Variants in PDE3A observed in about 807,000 individuals in gnomAD.
The protein encoded by PDE3A is cGMP-inhibited 3',5'-cyclic phosphodiesterase 3A.
A neutral mutation model predicts 98.3 loss-of-function variants in PDE3A; 43 were observed. That is an observed-to-expected ratio of 0.44 (90% CI 0.34 to 0.56). The LOEUF (loss-of-function observed/expected upper bound fraction) is 0.56, where lower values mean the gene tolerates loss of function less well. Ranked by LOEUF, PDE3A falls within the 20% of genes least tolerant of loss-of-function variation. The pLI is 0.01. For synonymous variants in PDE3A, 663 were observed against 567.9 expected, an observed-to-expected ratio of 1.17 and a Z score of -2.38; for missense variants, 1,427 against 1,440.7, an observed-to-expected ratio of 0.99 and a Z score of 0.15.
intron 1 of PDE3A, among the ~76,000 whole-genome samples, chr12:20,521,166 A>G (rs1467657074): frequency 6.7e-6 from 1 of 148,794 alleles, no homozygotes; most frequent in Non-Finnish European, 1.5e-5. Flanking sequence ...TTGGGGTTGT[A>G]AGAATCAGGT....
chr12:20,635,119 G>A, intron 8 of PDE3A, 63 bp downstream of exon 8: 2 of 1,442,628 alleles, frequency 1.4e-6, no homozygotes, highest in Admixed American at 2.0e-5. Context: ...ACAGATATTG[G>A]CTCAGAAATG....
intron 1 of PDE3A, among the ~76,000 whole-genome samples, chr12:20,508,149 G>C (rs972639772): frequency 1.3e-5 from 2 of 151,924 alleles, no homozygotes; most frequent in African/African-American, 2.4e-5. Flanking sequence ...CATTGCACTG[G>C]CTGTTTTCTT....
intron 5 of PDE3A, among the ~76,000 whole-genome samples, chr12:20,628,553 A>AC (rs1434568890): frequency 1.3e-5 from 2 of 152,106 alleles, no homozygotes; most frequent in Admixed American, 1.3e-4. Context: ...TAGTACTGTG[A>AC]CCTTGGGAGG....
chr12:20,667,473 T>A (rs1945345596), intron 15 of PDE3A, among the ~76,000 whole-genome samples: 1 of 152,202 alleles, frequency 6.6e-6, no homozygotes, highest in African/African-American at 2.4e-5. Context: ...TGGAGTCTAG[T>A]TTCATTCTTC....
At chr12:20,571,957 A>T in intron 2 of PDE3A, 6 of 1,056,978 alleles carry the variant, frequency 5.7e-6, no homozygotes, top group Non-Finnish European at 6.9e-6. Flanking sequence ...AAATTTGAGC[A>T]CACAGAACTT....
chr12:20,494,908 G>C (rs1945893031), intron 1 of PDE3A, among the ~76,000 whole-genome samples: 1 of 150,902 alleles, frequency 6.6e-6, no homozygotes. Context: ...GAAGCCCTAT[G>C]TTTTGATGGC....
chr12:20,613,962 C>T (rs1038708345), intron 3 of PDE3A, among the ~76,000 whole-genome samples: 1 of 151,960 alleles, frequency 6.6e-6, no homozygotes, highest in African/African-American at 2.4e-5. Flanking sequence ...AAAACGTTTT[C>T]TCTTCTATAT....
At chr12:20,606,937 CTTG>C (rs142336240) in intron 2 of PDE3A, among the ~76,000 whole-genome samples, 5,603 of 151,212 alleles carry the variant, frequency 0.037, 134 homozygotes, top group Non-Finnish European at 0.054. Context: ...ATTGATTATA[CTTG>C]TTGTATTTTA....
intron 2 of PDE3A, among the ~76,000 whole-genome samples, chr12:20,598,731 C>T (rs901910389): frequency 6.6e-6 from 1 of 152,170 alleles, no homozygotes; most frequent in Non-Finnish European, 1.5e-5. Flanking sequence ...ATACTGTAGA[C>T]AGAGTAAAGA....
chr12:20,679,743 T>G (rs1433169878), intron 15 of PDE3A, among the ~76,000 whole-genome samples: 1 of 151,938 alleles, frequency 6.6e-6, no homozygotes, highest in Non-Finnish European at 1.5e-5. Context: ...AGCAGAATCT[T>G]GCACTGAACA....
chr12:20,627,498 A>G (rs1362407344), intron 5 of PDE3A, among the ~76,000 whole-genome samples: 2 of 151,794 alleles, frequency 1.3e-5, no homozygotes. Context: ...TTTCCTGAAC[A>G]TGCTTTCCCC....
At chr12:20,644,832 C>CCCTCCTCCTCCTCCTCCT (rs1182576594) in intron 10 of PDE3A, among the ~76,000 whole-genome samples, 1 of 147,518 alleles carries the variant, frequency 6.8e-6, no homozygotes, top group Admixed American at 6.8e-5. Flanking sequence ...CTCCTCCTTC[C>CCCTCCTCCTCCTCCTCCT]CCTCCTCCTC....
At chr12:20,644,168 G>T (rs1045492884) in intron 10 of PDE3A, among the ~76,000 whole-genome samples, 1 of 152,128 alleles carries the variant, frequency 6.6e-6, no homozygotes, top group Non-Finnish European at 1.5e-5. Flanking sequence ...CTCCCAGACT[G>T]CCATTTTCCT....
In PDE3A at chr12:20,654,107, A is replaced by T; in HGVS notation, c.3086A>T (p.Asp1029Val). The change falls in exon 15 of 16, where the codon GAC becomes GTC. Residue 1029 changes from aspartate (D) to valine (V), a missense_variant. Physicochemically the swap from Asp to Val is radical, Grantham distance 152. This residue lies in a region of PDE3A where 142 missense variants were observed against 133.9 expected (regional missense o/e 1.06). Coordinates refer to ENST00000359062, the MANE Select transcript of PDE3A (RefSeq NM_000921.5). ...AGLMPGKWVE[D>V]SDESGDTDDP... The stretch of plus-strand genomic sequence containing the variant: ...CTAATGCCTGGAAAATGGGTGGAAG[A>T]CAGCGATGAGTCAGGAGATACTGAT... The T allele has an allele frequency of 1.2e-6, 2 of 1,614,166 alleles. No individual in the cohort carries two copies. The highest frequency in any genetic ancestry group is 4.5e-5 in the East Asian group (2 of 44,880).
At chr12:20,402,369 G>T (rs182475144) in intron 1 of PDE3A, among the ~76,000 whole-genome samples, 1 of 151,846 alleles carries the variant, frequency 6.6e-6, no homozygotes, top group Non-Finnish European at 1.5e-5. Context: ...GACTGGTCTC[G>T]AACTCCTGGC....
intron 2 of PDE3A, among the ~76,000 whole-genome samples, chr12:20,557,818 T>G (rs1356230785): frequency 6.6e-6 from 1 of 152,092 alleles, no homozygotes; most frequent in Non-Finnish European, 1.5e-5. Context: ...ATGCCTTACT[T>G]TATTTCCCTC....
At chr12:20,413,776 T>C (rs1382121183) in intron 1 of PDE3A, among the ~76,000 whole-genome samples, 2 of 152,128 alleles carry the variant, frequency 1.3e-5, no homozygotes, top group East Asian at 3.9e-4. Context: ...GCCATTCACC[T>C]GCATTATGGA....
At chr12:20,408,197 G>T (rs1254097824) in intron 1 of PDE3A, among the ~76,000 whole-genome samples, 2 of 152,136 alleles carry the variant, frequency 1.3e-5, no homozygotes, top group Non-Finnish European at 2.9e-5. Context: ...GGGATTACAG[G>T]CGTGAGCCAC....
chr12:20,515,936 T>G (rs1253264739), intron 1 of PDE3A, among the ~76,000 whole-genome samples: 9 of 150,268 alleles, frequency 6.0e-5, no homozygotes, highest in Admixed American at 2.0e-4. Flanking sequence ...GTTTCACCGT[T>G]TTAGCCGGGA....
Sources: allele counts gnomAD v4.1 joint callset (sites outside exome capture counted in the v4.1 genomes callset), GRCh38; gene constraint gnomAD v4.1.1; regional missense constraint gnomAD v4.1.1; transcripts MANE v1.5; gene names NCBI Gene and HGNC (gene_info 2026-07-23, HGNC 2026-07-21).